The following BACH2 variants were observed in gnomAD, a reference collection of about 807,000 sequenced individuals.
The protein encoded by BACH2 is BACH transcriptional regulator 2.
A neutral mutation model predicts 61.8 loss-of-function variants in BACH2; 5 were observed. The ratio of observed to expected loss-of-function variants is 0.08; its 90% confidence interval spans 0.04 to 0.17. BACH2 has a LOEUF of 0.17. Among genes scored for constraint, BACH2 ranks in the 10% least tolerant of loss-of-function variants. The pLI, the probability that BACH2 is intolerant of heterozygous loss-of-function variation, is 1.00. For synonymous variants in BACH2, 446 were observed against 440.1 expected (o/e 1.01, Z -0.17); for missense variants, 824 against 1,091.1 (o/e 0.76, Z 3.45).
At chr6:89,942,237 G>A (rs1317949486) in intron 7 of BACH2, among the ~76,000 whole-genome samples, 1 of 152,158 alleles carries the variant, frequency 6.6e-6, no homozygotes, top group Non-Finnish European at 1.5e-5. Context: ...GTTGTTTCTT[G>A]AGTAATAAGT....
chr6:90,215,214 T>C (rs917715411), intron 3 of BACH2, among the ~76,000 whole-genome samples: 2 of 152,128 alleles, frequency 1.3e-5, no homozygotes, highest in African/African-American at 4.8e-5. Flanking sequence ...GCCAAAACAG[T>C]TGAAGTTATA....
chr6:90,100,702 G>GACACACACATACACACACACACAGACAC (rs1190617375), intron 4 of BACH2, among the ~76,000 whole-genome samples: 40 of 64,250 alleles, frequency 6.2e-4, no homozygotes, highest in Non-Finnish European at 6.0e-4. Flanking sequence ...CACACACACA[G>GACACACACATACACACACACACAGACAC]ACACACACAC....
intron 4 of BACH2, among the ~76,000 whole-genome samples, chr6:90,205,917 T>A (rs1011998177): frequency 3.3e-5 from 5 of 152,192 alleles, no homozygotes; most frequent in African/African-American, 1.2e-4. Flanking sequence ...CTTCGTTTAT[T>A]CCCATAGGGC....
chr6:90,083,593 G>C (rs1428194453), intron 5 of BACH2, among the ~76,000 whole-genome samples: 1 of 152,032 alleles, frequency 6.6e-6, no homozygotes, highest in African/African-American at 2.4e-5. Flanking sequence ...TAAATACATA[G>C]GTTCATAAAA....
chr6:90,166,995 A>C (rs1767646702), intron 4 of BACH2, among the ~76,000 whole-genome samples: 1 of 152,216 alleles, frequency 6.6e-6, no homozygotes, highest in African/African-American at 2.4e-5. Context: ...AACATGGCAC[A>C]TGTATACATA....
At chr6:90,093,578 T>C (rs1782261759) in intron 4 of BACH2, among the ~76,000 whole-genome samples, 1 of 152,226 alleles carries the variant, frequency 6.6e-6, no homozygotes, top group Non-Finnish European at 1.5e-5. Flanking sequence ...GAAATTTAAA[T>C]AGCCACATAT....
chr6:89,993,954 T>A (rs1776716580), intron 6 of BACH2, among the ~76,000 whole-genome samples: 2 of 152,124 alleles, frequency 1.3e-5, no homozygotes, highest in African/African-American at 2.4e-5. Flanking sequence ...CTGATTAATA[T>A]GAAAACATGC....
chr6:90,205,018 T>G (rs2127849022), intron 4 of BACH2, among the ~76,000 whole-genome samples: 1 of 152,274 alleles, frequency 6.6e-6, no homozygotes. Flanking sequence ...GAGTCTCCCA[T>G]AAAACTTGCA....
Position 89,933,858 on chromosome 6 carries a change from C to T in BACH2, c.2044-968G>A, listed in dbSNP as rs183979035. ...AAAATTAGCCAGGTGTGGTGGCACA[C>T]GCCTGTAGTTTCAGCTTCTTGGGAG... On this transcript the variant is annotated intron_variant, in intron 8 of 8. Coordinates refer to ENST00000257749, the MANE Select transcript of BACH2 (RefSeq NM_021813.4). Among the ~76,000 whole-genome samples, 991 of 152,052 alleles carry T rather than the reference C, an allele frequency of 6.5e-3. 9 individuals are homozygous for T. The highest frequency in any genetic ancestry group is 0.023 in the African/African-American group (958 of 41,446).
chr6:90,082,953 G>A (rs1457966840), intron 5 of BACH2, among the ~76,000 whole-genome samples: 1 of 152,070 alleles, frequency 6.6e-6, no homozygotes, highest in Non-Finnish European at 1.5e-5. Flanking sequence ...ATTAAGCACC[G>A]CAAGGACTCT....
intron 6 of BACH2, among the ~76,000 whole-genome samples, chr6:89,994,261 T>TCAGATACAGTGTCTGA (rs1438659096): frequency 6.6e-6 from 1 of 152,174 alleles, no homozygotes; most frequent in Non-Finnish European, 1.5e-5. Context: ...TCCTTGTCTG[T>TCAGATACAGTGTCTGA]CAGATACAGT....
chr6:90,193,130 G>A (rs748692755), intron 4 of BACH2, among the ~76,000 whole-genome samples: 4 of 152,310 alleles, frequency 2.6e-5, no homozygotes, highest in African/African-American at 9.6e-5. Flanking sequence ...ACTTCAAGGC[G>A]ACTGTGATTA....
intron 5 of BACH2, among the ~76,000 whole-genome samples, chr6:90,080,460 T>C (rs912994310): frequency 6.6e-6 from 1 of 152,112 alleles, no homozygotes; most frequent in Non-Finnish European, 1.5e-5. Flanking sequence ...ATCTGATATT[T>C]AGAGATAACC....
chr6:90,077,265 T>C (rs955473403), intron 5 of BACH2, among the ~76,000 whole-genome samples: 4 of 152,172 alleles, frequency 2.6e-5, no homozygotes, highest in African/African-American at 9.7e-5. Context: ...CTTCGGTCTA[T>C]GGCAAAGGGC....
chr6:90,165,895 A>G (rs1204577660), intron 4 of BACH2, among the ~76,000 whole-genome samples: 1 of 152,214 alleles, frequency 6.6e-6, no homozygotes, highest in Non-Finnish European at 1.5e-5. Flanking sequence ...TACACCTTAT[A>G]CAAAAATTAA....
At chr6:90,124,574 G>A (rs973482783) in intron 4 of BACH2, among the ~76,000 whole-genome samples, 1 of 152,170 alleles carries the variant, frequency 6.6e-6, no homozygotes, top group African/African-American at 2.4e-5. Flanking sequence ...ACACTGTAAT[G>A]TATTGTAACC....
chr6:90,012,212 T>G (rs1388057108), intron 5 of BACH2, among the ~76,000 whole-genome samples: 1 of 152,146 alleles, frequency 6.6e-6, no homozygotes, highest in East Asian at 1.9e-4. Context: ...TTCTACAAAA[T>G]AGTCTGCTGG....
intron 5 of BACH2, among the ~76,000 whole-genome samples, chr6:90,030,232 C>G (rs1008032224): frequency 6.6e-6 from 1 of 152,086 alleles, no homozygotes; most frequent in South Asian, 2.1e-4. Context: ...TTCCGCAGCC[C>G]TCAGGAAAAC....
chr6:89,942,733 G>GA (rs1180526664), intron 7 of BACH2, among the ~76,000 whole-genome samples: 1 of 152,208 alleles, frequency 6.6e-6, no homozygotes, highest in Non-Finnish European at 1.5e-5. Flanking sequence ...TCTCAGTGGA[G>GA]AATCGGAGAA....
Sources: allele counts gnomAD v4.1 joint callset (sites outside exome capture counted in the v4.1 genomes callset), GRCh38; gene constraint gnomAD v4.1.1; transcripts MANE v1.5; gene names NCBI Gene and HGNC (gene_info 2026-07-23, HGNC 2026-07-21).